GRIP1: variants seen among roughly 807,000 people sequenced by gnomAD.
The protein encoded by GRIP1 is glutamate receptor-interacting protein 1.
Under a neutral mutation model 129.9 loss-of-function variants are expected in GRIP1, and 45 were observed. That is an observed-to-expected ratio of 0.35 (90% CI 0.27 to 0.44). The LOEUF (loss-of-function observed/expected upper bound fraction) is 0.44. GRIP1 is among the 20% of genes least tolerant of loss of function. The probability of loss-of-function intolerance (pLI) is 1.00; values close to 1 mark genes in which losing one functional copy is unlikely to be tolerated. For synonymous variants in GRIP1, 530 were observed against 520.8 expected (o/e 1.02, Z -0.24); for missense variants, 1,196 against 1,396.8 (o/e 0.86, Z 2.29).
Position 66,392,738 on chromosome 12 carries a change from G to A in GRIP1, c.2208C>T (p.Ala736=). The A allele has an allele frequency of 6.2e-7, 1 of 1,613,842 alleles. No homozygotes were observed. Among genetic ancestry groups the A allele is most frequent in the Non-Finnish European group, 8.5e-7 (1 of 1,179,748 alleles). Residue 736 remains alanine (A), a synonymous_variant, in exon 18 of 25, where the codon GCC becomes GCT. Transcript: ENST00000359742. ...SSLKGKPLSE[A]IHLLQMAGET... The stretch of plus-strand genomic sequence containing the variant: ...CTCCTGCCATCTGTAACAAATGGAT[G>A]GCTTCACTCAGAGGCTTCCCTTTCA...
intron 7 of GRIP1, among the ~76,000 whole-genome samples, chr12:66,480,637 C>T (rs1160998012): frequency 6.6e-6 from 1 of 152,170 alleles, no homozygotes; most frequent in African/African-American, 2.4e-5. Flanking sequence ...AAGCTGGAGG[C>T]ATCATGCTAT....
chr12:66,495,443 T>C (rs1363510655), intron 7 of GRIP1, among the ~76,000 whole-genome samples: 1 of 152,232 alleles, frequency 6.6e-6, no homozygotes, highest in African/African-American at 2.4e-5. Flanking sequence ...TTTTAGATTA[T>C]CTACACTGTT....
At chr12:66,898,754 T>C (rs1321067998) in intron 1 of GRIP1, among the ~76,000 whole-genome samples, 1 of 152,234 alleles carries the variant, frequency 6.6e-6, no homozygotes, top group Non-Finnish European at 1.5e-5. Context: ...CACTCTTTCC[T>C]AGTCCAGCTT....
intron 7 of GRIP1, among the ~76,000 whole-genome samples, chr12:66,487,490 A>G (rs1330414528): frequency 6.6e-6 from 1 of 152,200 alleles, no homozygotes; most frequent in Non-Finnish European, 1.5e-5. Context: ...GGAAGCACTA[A>G]ATATGGAAAG....
intron 15 of GRIP1, among the ~76,000 whole-genome samples, chr12:66,409,642 T>A (rs2057315595): frequency 6.6e-6 from 1 of 152,138 alleles, no homozygotes; most frequent in Non-Finnish European, 1.5e-5. Flanking sequence ...CCAATGAACA[T>A]CCATGAGCAT....
chr12:66,809,393 CATTAA>C (rs2039059363), intron 1 of GRIP1, among the ~76,000 whole-genome samples: 1 of 152,100 alleles, frequency 6.6e-6, no homozygotes, highest in African/African-American at 2.4e-5. Context: ...ATCTTTAAGA[CATTAA>C]ATTAATCTGG....
intron 1 of GRIP1, among the ~76,000 whole-genome samples, chr12:66,810,681 C>T (rs1210864467): frequency 4.6e-5 from 7 of 152,158 alleles, no homozygotes; most frequent in Admixed American, 3.3e-4. Context: ...CCACCATCCA[C>T]GAAATGCTAG....
intron 1 of GRIP1, among the ~76,000 whole-genome samples, chr12:67,021,978 A>T (rs1245912664): frequency 6.6e-6 from 1 of 152,184 alleles, no homozygotes; most frequent in Non-Finnish European, 1.5e-5. Context: ...TGTGAAAGAC[A>T]GCATTTTATT....
chr12:66,859,371 A>G (rs1367329213), intron 1 of GRIP1, among the ~76,000 whole-genome samples: 1 of 148,504 alleles, frequency 6.7e-6, no homozygotes, highest in East Asian at 2.0e-4. Context: ...TGTATGGTCC[A>G]TAAGTTCCTC....
chr12:66,827,383 T>TGA (rs2039433283), intron 1 of GRIP1, among the ~76,000 whole-genome samples: 2 of 110,194 alleles, frequency 1.8e-5, no homozygotes, highest in African/African-American at 6.7e-5. Flanking sequence ...TGTGTGTGTG[T>TGA]GTGTGAGAGA....
At chr12:66,607,105 G>A (rs1050238781) in intron 1 of GRIP1, among the ~76,000 whole-genome samples, 3 of 152,222 alleles carry the variant, frequency 2.0e-5, no homozygotes, top group Admixed American at 6.5e-5. Context: ...TGTATATTCT[G>A]CATGACTAAA....
At chr12:66,603,445 T>C (rs12310597) in intron 1 of GRIP1, among the ~76,000 whole-genome samples, 8,589 of 152,290 alleles carry the variant, frequency 0.056, 305 homozygotes, top group African/African-American at 0.096. Flanking sequence ...GGAGCATACC[T>C]GGGAACTGTC....
At chr12:66,369,182 G>A (rs2055328575) in intron 23 of GRIP1, among the ~76,000 whole-genome samples, 1 of 152,160 alleles carries the variant, frequency 6.6e-6, no homozygotes, top group Admixed American at 6.5e-5. Context: ...AAGGAAAAAA[G>A]AAGCATCCTA....
chr12:66,363,347 G>T (rs2137193069), intron 23 of GRIP1, among the ~76,000 whole-genome samples: 1 of 148,770 alleles, frequency 6.7e-6, no homozygotes, highest in African/African-American at 2.5e-5. Flanking sequence ...AGGCTCAAGT[G>T]ATCTTCCCAC....
intron 1 of GRIP1, among the ~76,000 whole-genome samples, chr12:66,943,888 G>C (rs1164056995): frequency 1.3e-5 from 2 of 152,182 alleles, no homozygotes; most frequent in East Asian, 3.8e-4. Flanking sequence ...GCAGGCAGCA[G>C]AGTCCTATAT....
chr12:66,450,105 CCTGA>C (rs977619738), intron 11 of GRIP1, among the ~76,000 whole-genome samples: 2 of 151,442 alleles, frequency 1.3e-5, no homozygotes, highest in Non-Finnish European at 2.9e-5. Flanking sequence ...TTGAGACCAT[CCTGA>C]CTAACAGCGT....
chr12:66,984,720 T>G (rs1215733752), intron 1 of GRIP1, among the ~76,000 whole-genome samples: 1 of 152,226 alleles, frequency 6.6e-6, no homozygotes, highest in Non-Finnish European at 1.5e-5. Flanking sequence ...GAACTTTGTT[T>G]GGCTATTAGA....
intron 1 of GRIP1, among the ~76,000 whole-genome samples, chr12:67,015,783 A>G (rs1476116340): frequency 1.3e-5 from 2 of 152,228 alleles, no homozygotes; most frequent in Non-Finnish European, 2.9e-5. Flanking sequence ...TACATGATGC[A>G]TCACTCAGCA....
chr12:66,544,341 A>T (rs1330637217), intron 2 of GRIP1, among the ~76,000 whole-genome samples: 1 of 152,180 alleles, frequency 6.6e-6, no homozygotes, highest in East Asian at 1.9e-4. Context: ...TGAGCCAGAC[A>T]ATAAAACTCA....
Sources: gnomAD v4.1 joint callset for allele counts (sites outside exome capture counted in the v4.1 genomes callset) on GRCh38, gnomAD v4.1.1 for gene constraint, MANE v1.5 for transcripts, NCBI Gene and HGNC (gene_info 2026-07-23, HGNC 2026-07-21) for gene names.